PAPPA2: variants seen among roughly 807,000 people sequenced by gnomAD.
PAPPA2 encodes pappalysin-2.
In PAPPA2, 86 loss-of-function variants were observed where a neutral mutation model predicts 176.4. That is an observed-to-expected ratio of 0.49 (90% confidence interval 0.41 to 0.58). PAPPA2 has a LOEUF of 0.58. Ranked by LOEUF, PAPPA2 falls within the 20% of genes least tolerant of loss-of-function variation. The pLI is 0.00. For missense variants in PAPPA2, 2,073 were observed against 2,256.9 expected (o/e 0.92, Z 1.65); for synonymous variants, 809 against 852.2 (o/e 0.95, Z 0.88).
Position 176,765,828 on chromosome 1 carries a change from G to C in PAPPA2, c.4314G>C (p.Arg1438Ser). ...ALQASSGQYI[R>S]PMQKEILLTC... ...AGGCCAGCAGTGGGCAGTACATCAGGCCCATGCAGGTGAGTTGAAAGAACA... is the reference window on the plus strand; with the variant it reads ...AGGCCAGCAGTGGGCAGTACATCAGCCCCATGCAGGTGAGTTGAAAGAACA... The change falls in exon 15 of 23, where the codon AGG becomes AGC. Residue 1438 changes from arginine to serine, a missense_variant. Arg to Ser is a moderately radical substitution (Grantham distance 110). This residue lies in a region of PAPPA2 where 846 missense variants were observed against 857.9 expected (regional missense o/e 0.99). Transcript: ENST00000367662. The C allele has an allele frequency of 2.5e-6, 4 of 1,613,808 alleles. No individual in the cohort carries two copies. The highest frequency in any genetic ancestry group is 1.7e-4 in the Middle Eastern group (1 of 5,968).
At chr1:176,476,993 C>T (rs560517480) in intron 1 of PAPPA2, among the ~76,000 whole-genome samples, 8 of 152,296 alleles carry the variant, frequency 5.3e-5, no homozygotes, top group Non-Finnish European at 1.2e-4. Context: ...TTTACAGGAA[C>T]TTTTACATGA....
At chr1:176,605,564 T>C (rs1654561810) in intron 3 of PAPPA2, among the ~76,000 whole-genome samples, 1 of 152,246 alleles carries the variant, frequency 6.6e-6, no homozygotes, top group Non-Finnish European at 1.5e-5. Flanking sequence ...CAGCTTGCTC[T>C]GGCTCCTAAT....
intron 1 of PAPPA2, among the ~76,000 whole-genome samples, chr1:176,500,366 G>A (rs764539164): frequency 6.6e-6 from 1 of 151,502 alleles, no homozygotes; most frequent in Non-Finnish European, 1.5e-5. Context: ...ATATGGAAAG[G>A]CACCAGAAGA....
chr1:176,548,594 A>G (rs763735798), intron 1 of PAPPA2, among the ~76,000 whole-genome samples: 1 of 151,958 alleles, frequency 6.6e-6, no homozygotes, highest in Non-Finnish European at 1.5e-5. Flanking sequence ...GCAGTGCAGT[A>G]TGGTGACCAT....
At chr1:176,689,066 G>T (rs1659977051) in intron 4 of PAPPA2, among the ~76,000 whole-genome samples, 1 of 152,188 alleles carries the variant, frequency 6.6e-6, no homozygotes, top group African/African-American at 2.4e-5. Flanking sequence ...CAGCTGGGCA[G>T]CACAGCCAGG....
At chr1:176,634,799 G>GAT (rs1656569399) in intron 3 of PAPPA2, among the ~76,000 whole-genome samples, 263 of 120,238 alleles carry the variant, frequency 2.2e-3, no homozygotes, top group South Asian at 4.7e-3. Flanking sequence ...TCCAAGGAGA[G>GAT]AGATAGATAG....
At chr1:176,629,280 G>T (rs1037322985) in intron 3 of PAPPA2, among the ~76,000 whole-genome samples, 7 of 152,144 alleles carry the variant, frequency 4.6e-5, no homozygotes, top group African/African-American at 1.4e-4. Context: ...GTTAAAAAAG[G>T]TAGCCTTATC....
chr1:176,600,366 C>A (rs948694920), intron 3 of PAPPA2, among the ~76,000 whole-genome samples: 8 of 152,240 alleles, frequency 5.3e-5, no homozygotes, highest in South Asian at 4.2e-4. Flanking sequence ...GTAGAGCCTC[C>A]CTATTATTAC....
chr1:176,569,293 G>T (rs1035790682), intron 2 of PAPPA2, among the ~76,000 whole-genome samples: 4 of 152,106 alleles, frequency 2.6e-5, no homozygotes, highest in African/African-American at 9.7e-5. Context: ...ACTCTCCCTG[G>T]CCTCTAGCCC....
intron 21 of PAPPA2, among the ~76,000 whole-genome samples, chr1:176,837,390 A>G (rs1557903180): frequency 6.6e-6 from 1 of 150,958 alleles, no homozygotes; most frequent in Non-Finnish European, 1.5e-5. Flanking sequence ...TAAAGGAGGC[A>G]CATTTAGCAA....
intron 17 of PAPPA2, among the ~76,000 whole-genome samples, chr1:176,781,917 A>G (rs1275117921): frequency 6.6e-6 from 1 of 152,238 alleles, no homozygotes; most frequent in Non-Finnish European, 1.5e-5. Context: ...TGGACCATGT[A>G]TCAGACAAAA....
At chr1:176,619,989 G>A (rs182243049) in intron 3 of PAPPA2, among the ~76,000 whole-genome samples, 177 of 152,288 alleles carry the variant, frequency 1.2e-3, no homozygotes, top group Non-Finnish European at 1.7e-3. Context: ...GCTATGACAA[G>A]CTATCATAAT....
At chr1:176,810,924 C>G (rs1019820547) in intron 21 of PAPPA2, among the ~76,000 whole-genome samples, 2 of 152,158 alleles carry the variant, frequency 1.3e-5, no homozygotes, top group Non-Finnish European at 2.9e-5. Flanking sequence ...TCTCTGATCC[C>G]GAATCTCTTT....
chr1:176,606,525 C>T (rs1208414820), intron 3 of PAPPA2, among the ~76,000 whole-genome samples: 1 of 152,140 alleles, frequency 6.6e-6, no homozygotes, highest in Non-Finnish European at 1.5e-5. Flanking sequence ...AGTACAGTGG[C>T]GTGATCTCAG....
intron 1 of PAPPA2, among the ~76,000 whole-genome samples, chr1:176,468,494 G>A (rs926824539): frequency 3.3e-5 from 5 of 152,096 alleles, no homozygotes; most frequent in Admixed American, 1.3e-4. Context: ...ATTCCTCCTA[G>A]CTAAGTGCTG....
chr1:176,579,579 C>T (rs556976239), intron 2 of PAPPA2, among the ~76,000 whole-genome samples: 54 of 152,298 alleles, frequency 3.5e-4, no homozygotes, highest in Non-Finnish European at 6.3e-4. Flanking sequence ...CAGTCATCTG[C>T]AAGTAGTGGT....
At chr1:176,528,414 C>G (rs902161472) in intron 1 of PAPPA2, among the ~76,000 whole-genome samples, 1 of 152,160 alleles carries the variant, frequency 6.6e-6, no homozygotes, top group Non-Finnish European at 1.5e-5. Flanking sequence ...GTTTCTTATA[C>G]CTAAGGAGGT....
At chr1:176,562,155 A>G (rs1651711814) in intron 2 of PAPPA2, among the ~76,000 whole-genome samples, 1 of 152,234 alleles carries the variant, frequency 6.6e-6, no homozygotes, top group African/African-American at 2.4e-5. Context: ...CTTGATGGCC[A>G]GGGTCTGCTG....
intron 14 of PAPPA2, among the ~76,000 whole-genome samples, chr1:176,759,720 C>T (rs1663602905): frequency 6.6e-6 from 1 of 152,154 alleles, no homozygotes; most frequent in Non-Finnish European, 1.5e-5. Context: ...AAGTGGACAA[C>T]TAAAAGAGGT....
Sources: gnomAD v4.1 joint callset for allele counts (sites outside exome capture counted in the v4.1 genomes callset) on GRCh38, gnomAD v4.1.1 for gene constraint, gnomAD v4.1.1 regional missense constraint, MANE v1.5 for transcripts, NCBI Gene and HGNC (gene_info 2026-07-23, HGNC 2026-07-21) for gene names.